TMEM108: variants seen among roughly 807,000 people sequenced by gnomAD.
TMEM108 encodes cancer/testis antigen 124.
In TMEM108, 12 loss-of-function variants were observed where a neutral mutation model predicts 35.1. The ratio of observed to expected loss-of-function variants is 0.34; its 90% confidence interval spans 0.22 to 0.55. TMEM108 has a LOEUF of 0.55. Ranked by LOEUF, TMEM108 falls within the 20% of genes least tolerant of loss-of-function variation. The pLI, the probability that TMEM108 is intolerant of heterozygous loss-of-function variation, is 0.89. For synonymous variants in TMEM108, 287 were observed against 308.6 expected, an observed-to-expected ratio of 0.93 and a Z score of 0.73; for missense variants, 680 against 753.3, an observed-to-expected ratio of 0.90 and a Z score of 1.14.
intron 2 of TMEM108, among the ~76,000 whole-genome samples, chr3:133,203,697 CA>C (rs1945706890): frequency 1.3e-5 from 2 of 152,230 alleles, no homozygotes; most frequent in South Asian, 4.1e-4. Context: ...TTAGGTTTGC[CA>C]GTATTTTATT....
intron 2 of TMEM108, among the ~76,000 whole-genome samples, chr3:133,219,138 C>G (rs116661630): frequency 6.6e-6 from 1 of 152,052 alleles, no homozygotes; most frequent in African/African-American, 2.4e-5. Flanking sequence ...GAAGTTTATC[C>G]ATTTCTTCTA....
chr3:133,165,141 C>T (rs539095891), intron 2 of TMEM108, among the ~76,000 whole-genome samples: 19 of 152,314 alleles, frequency 1.2e-4, no homozygotes, highest in Non-Finnish European at 2.1e-4. Flanking sequence ...AAAGAAACAT[C>T]TCTATTTACA....
chr3:133,323,595 A>G (rs1185777155), intron 3 of TMEM108, among the ~76,000 whole-genome samples: 6 of 152,208 alleles, frequency 3.9e-5, no homozygotes, highest in Non-Finnish European at 8.8e-5. Flanking sequence ...AAATGACCAT[A>G]ATGCCAAAAG....
intron 2 of TMEM108, among the ~76,000 whole-genome samples, chr3:133,189,386 A>G (rs1022885859): frequency 6.6e-6 from 1 of 152,214 alleles, no homozygotes; most frequent in Non-Finnish European, 1.5e-5. Context: ...GTGGAATTGT[A>G]CAGGGAGTAA....
chr3:133,304,503 TCACTCCCACCTCCAGCCCTATG>T (rs1947274875), intron 3 of TMEM108, among the ~76,000 whole-genome samples: 1 of 152,136 alleles, frequency 6.6e-6, no homozygotes, highest in South Asian at 2.1e-4. Context: ...TTATAGCACT[TCACTCCCACCTCCAGCCCTATG>T]CAACCACTGA....
At chr3:133,040,890 G>A (rs1943267889) in intron 1 of TMEM108, among the ~76,000 whole-genome samples, 1 of 152,234 alleles carries the variant, frequency 6.6e-6, no homozygotes. Flanking sequence ...CATAGAGAGT[G>A]AATGAGAGAG....
At chr3:133,281,359 C>T (rs1946909672) in intron 3 of TMEM108, among the ~76,000 whole-genome samples, 1 of 152,146 alleles carries the variant, frequency 6.6e-6, no homozygotes, top group South Asian at 2.1e-4. Flanking sequence ...ATAGGGTGTG[C>T]ACACACAGGT....
At chr3:133,305,820 T>C (rs1469420740) in intron 3 of TMEM108, among the ~76,000 whole-genome samples, 1 of 152,118 alleles carries the variant, frequency 6.6e-6, no homozygotes, top group Non-Finnish European at 1.5e-5. Context: ...TTAATTTACA[T>C]TTCCCTAATG....
chr3:133,186,080 T>C (rs561090047), intron 2 of TMEM108, among the ~76,000 whole-genome samples: 1 of 152,328 alleles, frequency 6.6e-6, no homozygotes, highest in Non-Finnish European at 1.5e-5. Flanking sequence ...GGCCTTGCAT[T>C]TCTAATCAGT....
chr3:133,046,356 A>T (rs1330690113), intron 2 of TMEM108, among the ~76,000 whole-genome samples: 1 of 152,188 alleles, frequency 6.6e-6, no homozygotes, highest in Non-Finnish European at 1.5e-5. Flanking sequence ...TCATTTCCTT[A>T]TAGCCATGTC....
chr3:133,294,543 G>A (rs1947116530), intron 3 of TMEM108, among the ~76,000 whole-genome samples: 2 of 152,084 alleles, frequency 1.3e-5, no homozygotes, highest in East Asian at 1.9e-4. Context: ...TGGAGATGGG[G>A]GATTTGCCTC....
chr3:133,072,030 T>C (rs961018804), intron 2 of TMEM108, among the ~76,000 whole-genome samples: 2 of 152,222 alleles, frequency 1.3e-5, no homozygotes, highest in African/African-American at 4.8e-5. Flanking sequence ...CTTCATTCTT[T>C]TGCATGTGGA....
chr3:133,365,544 T>G (rs1050854849), intron 3 of TMEM108, among the ~76,000 whole-genome samples: 1 of 152,144 alleles, frequency 6.6e-6, no homozygotes, highest in Non-Finnish European at 1.5e-5. Context: ...AGGAGCCACT[T>G]TCTCTTACTC....
intron 3 of TMEM108, among the ~76,000 whole-genome samples, chr3:133,252,474 T>G (rs1182840492): frequency 1.3e-5 from 2 of 152,182 alleles, no homozygotes; most frequent in Admixed American, 1.3e-4. Flanking sequence ...CAACTATACA[T>G]GCACACTGGA....
At chr3:133,370,145 CTT>C (rs3054623) in intron 3 of TMEM108, among the ~76,000 whole-genome samples, 4,522 of 126,738 alleles carry the variant, frequency 0.036, 73 homozygotes, top group Non-Finnish European at 0.055. Context: ...TTCAGACTCC[CTT>C]TTTTTTTTTT....
In TMEM108 at chr3:133,138,137, T is replaced by C. The variant is rs78733537; in HGVS notation, c.-46-91129T>C. ...CCCAGCCAAAAGAGTAGAGTATTTT[T>C]AGCCAGGTTGTCACCCACAAAGAAA... On this transcript the variant is annotated intron_variant, in intron 2 of 5. Coordinates refer to ENST00000321871, the MANE Select transcript of TMEM108 (RefSeq NM_023943.4). Among the ~76,000 whole-genome samples the C allele has an allele frequency of 2.1e-4, 32 of 152,308 alleles. No individual in the cohort carries two copies. In the East Asian group the frequency reaches 6.2e-3, roughly 29 times the overall value.
intron 5 of TMEM108, among the ~76,000 whole-genome samples, chr3:133,394,796 T>C (rs1321296220): frequency 6.6e-6 from 1 of 151,588 alleles, no homozygotes. Context: ...TGGCATTTCT[T>C]CCTTACCTTA....
intron 3 of TMEM108, among the ~76,000 whole-genome samples, chr3:133,291,532 G>A (rs1380228762): frequency 6.6e-6 from 1 of 151,968 alleles, no homozygotes; most frequent in East Asian, 1.9e-4. Context: ...CCCACCTGGG[G>A]CTCCCAAAGT....
At chr3:133,301,923 A>G (rs1254757430) in intron 3 of TMEM108, among the ~76,000 whole-genome samples, 1 of 152,132 alleles carries the variant, frequency 6.6e-6, no homozygotes, top group Non-Finnish European at 1.5e-5. Context: ...ACACCCACCC[A>G]ACTCCCATGG....
Sources: gnomAD v4.1 joint callset for allele counts (sites outside exome capture counted in the v4.1 genomes callset) on GRCh38, gnomAD v4.1.1 for gene constraint, MANE v1.5 for transcripts, NCBI Gene and HGNC (gene_info 2026-07-23, HGNC 2026-07-21) for gene names.